UBE4B: variants seen among roughly 807,000 people sequenced by gnomAD.
The protein encoded by UBE4B is ubiquitin conjugation factor E4 B.
In UBE4B, 27 loss-of-function variants were observed where a neutral mutation model predicts 148.1. The ratio of observed to expected loss-of-function variants is 0.18; its 90% confidence interval spans 0.13 to 0.25. The LOEUF (loss-of-function observed/expected upper bound fraction) is 0.25, where lower values mean the gene tolerates loss of function less well. UBE4B is among the 10% of genes least tolerant of loss of function. The pLI is 1.00. For missense variants in UBE4B, 1,170 were observed against 1,662.4 expected, an observed-to-expected ratio of 0.70 and a Z score of 5.15; for synonymous variants, 596 against 619.3, an observed-to-expected ratio of 0.96 and a Z score of 0.56.
Position 10,105,608 on chromosome 1 carries a change from C to G in UBE4B, c.673C>G (p.Leu225Val), listed in dbSNP as rs748727008. 1 of 1,614,240 alleles carries G rather than the reference C, an allele frequency of 6.2e-7. No homozygotes were observed. Among genetic ancestry groups the G allele is most frequent in the East Asian group, 2.2e-5 (1 of 44,894 alleles). Reference protein sequence around the residue: ...QTRDENPFASLTATSQPIAAA... With the variant: ...QTRDENPFASVTATSQPIAAA... ...CAGAGATGAAAACCCATTTGCCAGT[C>G]TGACAGCCACATCACAGCCAATTGC... Residue 225 changes from leucine to valine, a missense_variant, in exon 6 of 28, where the codon CTG becomes GTG. Transcript: ENST00000343090.
intron 1 of UBE4B, among the ~76,000 whole-genome samples, chr1:10,056,033 A>G (rs1570792080): frequency 6.6e-6 from 1 of 152,240 alleles, no homozygotes; most frequent in Non-Finnish European, 1.5e-5. Flanking sequence ...TGGAGACCAT[A>G]CCATCCACTT....
At chr1:10,121,340 G>A (rs936103554) in intron 9 of UBE4B, among the ~76,000 whole-genome samples, 28 of 152,084 alleles carry the variant, frequency 1.8e-4, no homozygotes, top group African/African-American at 6.8e-4. Context: ...GGGCAACAGA[G>A]CGAGACTCCA....
chr1:10,107,954 C>T (rs1331544910), intron 7 of UBE4B, among the ~76,000 whole-genome samples: 1 of 152,118 alleles, frequency 6.6e-6, no homozygotes, highest in African/African-American at 2.4e-5. Context: ...AGCATGAAAA[C>T]AGATTAAAGA....
chr1:10,095,650 T>C, intron 3 of UBE4B, 54 bp downstream of exon 3: 2 of 1,607,662 alleles, frequency 1.2e-6, no homozygotes, highest in Non-Finnish European at 1.7e-6. Context: ...AAGAGAAAGA[T>C]CCATTCACTT....
intron 14 of UBE4B, among the ~76,000 whole-genome samples, chr1:10,131,641 G>A (rs1645595022): frequency 6.6e-6 from 1 of 152,036 alleles, no homozygotes; most frequent in African/African-American, 2.4e-5. Context: ...AGGCTGAGAT[G>A]GGCTGATCAC....
chr1:10,036,238 G>C (rs1643527208), intron 1 of UBE4B, among the ~76,000 whole-genome samples: 1 of 152,102 alleles, frequency 6.6e-6, no homozygotes, highest in Admixed American at 6.6e-5. Context: ...ACTTTCATCA[G>C]TCCTTGAGGA....
At chr1:10,115,910 A>G (rs1645300554) in intron 7 of UBE4B, among the ~76,000 whole-genome samples, 2 of 152,250 alleles carry the variant, frequency 1.3e-5, no homozygotes, top group African/African-American at 4.8e-5. Context: ...GAAAAGATAC[A>G]GTAAAAATAT....
intron 7 of UBE4B, among the ~76,000 whole-genome samples, chr1:10,110,513 A>G (rs994130010): frequency 1.3e-5 from 2 of 152,186 alleles, no homozygotes; most frequent in Admixed American, 1.3e-4. Context: ...AATAAAAGTT[A>G]ATAAAAATCA....
intron 7 of UBE4B, among the ~76,000 whole-genome samples, chr1:10,116,751 C>T (rs1471852355): frequency 6.6e-6 from 1 of 152,092 alleles, no homozygotes; most frequent in African/African-American, 2.4e-5. Flanking sequence ...TACAAAGCAC[C>T]TCCACATTAT....
chr1:10,087,995 AT>A (rs1363038941), intron 2 of UBE4B, among the ~76,000 whole-genome samples: 1 of 152,160 alleles, frequency 6.6e-6, no homozygotes, highest in African/African-American at 2.4e-5. Flanking sequence ...AACATTACTT[AT>A]TTTACAGGAA....
chr1:10,053,928 C>T (rs1350838777), intron 1 of UBE4B, among the ~76,000 whole-genome samples: 2 of 152,204 alleles, frequency 1.3e-5, no homozygotes, highest in Admixed American at 1.3e-4. Context: ...TTCAAGTGAT[C>T]CTCCTGCCTT....
At chr1:10,174,117 T>C (rs1212891669) in intron 25 of UBE4B, among the ~76,000 whole-genome samples, 3 of 152,080 alleles carry the variant, frequency 2.0e-5, no homozygotes, top group Admixed American at 1.3e-4. Flanking sequence ...GTGTTGGGGC[T>C]GGGCGCAGTG....
At chr1:10,167,441 A>AAATAAT (rs200457569) in intron 23 of UBE4B, among the ~76,000 whole-genome samples, 3,553 of 147,156 alleles carry the variant, frequency 0.024, 89 homozygotes, top group African/African-American at 0.058. Context: ...CCGTCTCAAA[A>AAATAAT]AATAATAATA....
intron 1 of UBE4B, among the ~76,000 whole-genome samples, chr1:10,063,234 C>T (rs1030598151): frequency 7.2e-5 from 11 of 152,188 alleles, no homozygotes; most frequent in African/African-American, 2.7e-4. Context: ...TGCCTCTGCA[C>T]TCCCGCCTGG....
At chr1:10,143,830 G>A (rs1229346646) in intron 17 of UBE4B, among the ~76,000 whole-genome samples, 2 of 152,192 alleles carry the variant, frequency 1.3e-5, no homozygotes, top group Non-Finnish European at 2.9e-5. Context: ...TCGGAGGTCA[G>A]CCTGACAGCA....
At chr1:10,064,174 T>C (rs72861408) in intron 1 of UBE4B, among the ~76,000 whole-genome samples, 7,349 of 152,244 alleles carry the variant, frequency 0.048, 257 homozygotes, top group Middle Eastern at 0.11. Flanking sequence ...TTGTTCCTCG[T>C]CTGCCTAACC....
At chr1:10,112,036 A>T (rs1469843446) in intron 7 of UBE4B, among the ~76,000 whole-genome samples, 1 of 152,210 alleles carries the variant, frequency 6.6e-6, no homozygotes, top group Non-Finnish European at 1.5e-5. Context: ...ATTATAGAAG[A>T]AACTGAAACA....
chr1:10,157,002 TA>T (rs1455118753), intron 21 of UBE4B, among the ~76,000 whole-genome samples: 1 of 151,854 alleles, frequency 6.6e-6, no homozygotes, highest in Non-Finnish European at 1.5e-5. Context: ...ACCCCATCTG[TA>T]AAAAAATTAA....
chr1:10,148,993 C>A (rs1439337487), intron 19 of UBE4B, among the ~76,000 whole-genome samples, 191 bp from the exon 20 acceptor site: 1 of 152,128 alleles, frequency 6.6e-6, no homozygotes, highest in Non-Finnish European at 1.5e-5. Flanking sequence ...CATACCCTTG[C>A]ATATGCACTG....
Sources: gnomAD v4.1 joint callset for allele counts (sites outside exome capture counted in the v4.1 genomes callset) on GRCh38, gnomAD v4.1.1 for gene constraint, MANE v1.5 for transcripts, NCBI Gene and HGNC (gene_info 2026-07-23, HGNC 2026-07-21) for gene names.